C10orf71: variants seen among roughly 807,000 people sequenced by gnomAD.
C10orf71 encodes cardiac-enriched FHL2-interacting protein.
For missense variants in C10orf71, 1,869 were observed against 1,804.5 expected (o/e 1.04, Z -0.65); for synonymous variants, 758 against 726.3 (o/e 1.04, Z -0.70).
intron 1 of C10orf71, among the ~76,000 whole-genome samples, chr10:49,307,508 G>A (rs1218668316): frequency 6.6e-6 from 1 of 152,224 alleles, no homozygotes; most frequent in African/African-American, 2.4e-5. Flanking sequence ...GCAAAGAGGT[G>A]CTGCTGACAG....
chr10:49,320,390 C>T (rs1238114289), intron 2 of C10orf71, among the ~76,000 whole-genome samples: 1 of 152,162 alleles, frequency 6.6e-6, no homozygotes, highest in African/African-American at 2.4e-5. Context: ...AGGCTGGTCC[C>T]AGAGGTAAGG....
At chr10:49,310,833 G>A (rs373315958) in intron 1 of C10orf71, among the ~76,000 whole-genome samples, 1 of 151,460 alleles carries the variant, frequency 6.6e-6, no homozygotes, top group Non-Finnish European at 1.5e-5. Context: ...AAGAAGAAGA[G>A]GAGGAAGTCG....
At position 49,324,805 on chromosome 10, in the gene C10orf71, G is replaced by A; in HGVS notation, c.2260G>A (p.Glu754Lys). ...QKMWFTENQR[E>K]DRRKDVSAGD... ...GATGTGGTTTACTGAGAACCAGCGG[G>A]AAGACAGGAGGAAGGATGTGAGTGC... is the stretch of plus-strand genomic sequence containing the variant. The change falls in exon 3 of 3, where the codon GAA becomes AAA. Residue 754 changes from glutamate (E) to lysine (K), a missense_variant. Coordinates refer to ENST00000374144, the MANE Select transcript of C10orf71 (RefSeq NM_001135196.2). 6.4e-7 allele frequency: 1 copy of A among 1,552,148 alleles called. No homozygotes were observed. The highest frequency in any genetic ancestry group is 8.7e-7 in the Non-Finnish European group (1 of 1,147,122).
At chr10:49,310,931 A>G (rs1564684920) in intron 1 of C10orf71, among the ~76,000 whole-genome samples, 1 of 152,100 alleles carries the variant, frequency 6.6e-6, no homozygotes, top group Non-Finnish European at 1.5e-5. Flanking sequence ...ACTTACACTA[A>G]AAAAGTATTT....
intron 1 of C10orf71, among the ~76,000 whole-genome samples, chr10:49,314,775 A>G (rs1211783963): frequency 6.6e-6 from 1 of 152,218 alleles, no homozygotes; most frequent in East Asian, 1.9e-4. Flanking sequence ...TTGGAAGGCC[A>G]TAAGACCCAA....
At chr10:49,321,936 C>T (rs914175819) in intron 2 of C10orf71, among the ~76,000 whole-genome samples, 7 of 152,064 alleles carry the variant, frequency 4.6e-5, no homozygotes, top group Non-Finnish European at 1.0e-4. Flanking sequence ...GTTTGTTATT[C>T]GGTTGTAGGA....
In C10orf71 at chr10:49,324,380, G is replaced by A; in HGVS notation, c.1835G>A (p.Ser612Asn). 6.2e-7 allele frequency: 1 copy of A among 1,613,646 alleles called. No homozygotes were observed. ...FYVNGEAAER[S>N]SYENKEVEGE... ...GTCAATGGGGAGGCTGCTGAGAGAA[G>A]CAGTTATGAGAACAAGGAGGTGGAA... The change falls in exon 3 of 3, where the codon AGC (serine) becomes AAC (asparagine). Residue 612 changes from serine (S) to asparagine (N), a missense_variant. Coordinates refer to ENST00000374144, the MANE Select transcript of C10orf71 (RefSeq NM_001135196.2).
In C10orf71 at chr10:49,322,729, C is replaced by A. The variant is rs1849118921; in HGVS notation, c.184C>A (p.Gln62Lys). 4 of 1,613,962 alleles carry A rather than the reference C, an allele frequency of 2.5e-6. No individual in the cohort carries two copies. The highest frequency in any genetic ancestry group is 3.4e-6 in the Non-Finnish European group (4 of 1,179,846). The change falls in exon 3 of 3, where the codon CAG becomes AAG. Residue 62 changes from glutamine to lysine, a missense_variant. Transcript: ENST00000374144. ...GGCTGTGTCCCCGGATATCACCCGA[C>A]AGGTGTTTGGGACTTTTCACCAGAG... ...YLAVSPDITR[Q>K]VFGTFHQRTV... is the part of the protein sequence containing the mutation.
At chr10:49,298,352 A>C (rs570446027), upstream of C10orf71, among the ~76,000 whole-genome samples, 98 of 152,284 alleles carry the variant, frequency 6.4e-4, 1 homozygote, top group African/African-American at 2.3e-3. Context: ...GGGGAAAAAA[A>C]CCCACTCTTG....
chr10:49,310,827 A>G (rs1303602919), intron 1 of C10orf71, among the ~76,000 whole-genome samples: 1 of 152,092 alleles, frequency 6.6e-6, no homozygotes, highest in African/African-American at 2.4e-5. Flanking sequence ...ATGAAGAAGA[A>G]GAAGAGGAGG....
intron 1 of C10orf71, among the ~76,000 whole-genome samples, chr10:49,307,844 T>C (rs1176425630): frequency 6.6e-6 from 1 of 152,182 alleles, no homozygotes; most frequent in Non-Finnish European, 1.5e-5. Context: ...TCTTTTCTCC[T>C]GTGACTTCTC....
At position 49,324,051 on chromosome 10, in the gene C10orf71, C is replaced by A. The variant is rs1057168979; in HGVS notation, c.1506C>A (p.Asn502Lys). 1.9e-6 allele frequency: 3 copies of A among 1,613,776 alleles called. No individual in the cohort carries two copies. The African/African-American group carries it at 4.0e-5, about 22-fold the overall frequency. The change falls in exon 3 of 3, where the codon AAC becomes AAA. Residue 502 changes from asparagine (N) to lysine (K), a missense_variant. Coordinates refer to ENST00000374144, the MANE Select transcript of C10orf71 (RefSeq NM_001135196.2). ...CCAAAGCCCCTAGCCTGCTGTTCAA[C>A]CTCAAGGACGTGCGGAAGCGTGTTA... ...YKSKAPSLLF[N>K]LKDVRKRVKS...
At chr10:49,308,900 T>A (rs1848863294) in intron 1 of C10orf71, among the ~76,000 whole-genome samples, 1 of 152,142 alleles carries the variant, frequency 6.6e-6, no homozygotes, top group South Asian at 2.1e-4. Flanking sequence ...TGAGGAGGCA[T>A]CAACCTGGGG....
intron 1 of C10orf71, among the ~76,000 whole-genome samples, chr10:49,300,309 C>T (rs1467720064): frequency 6.6e-6 from 1 of 152,122 alleles, no homozygotes; most frequent in African/African-American, 2.4e-5. Context: ...CACCTTCATT[C>T]ATTTGCATAT....
chr10:49,325,904 A>T lies in C10orf71; in HGVS notation c.3359A>T (p.Glu1120Val). The T allele has an allele frequency of 6.5e-7, 1 of 1,549,886 alleles. No homozygotes were observed. Among genetic ancestry groups the T allele is most frequent in the Non-Finnish European group, 8.7e-7 (1 of 1,145,742 alleles). ...REDLTHALVW[E>V]GGSDPLLELS... ...GACCTGACCCACGCCCTCGTGTGGG[A>T]GGGCGGCTCTGACCCCCTACTTGAG... Residue 1120 changes from glutamate to valine, a missense_variant, in exon 3 of 3, where the codon GAG (glutamate) becomes GTG (valine). Physicochemically the swap from Glu to Val is moderately radical, Grantham distance 121. Coordinates refer to ENST00000374144, the MANE Select transcript of C10orf71 (RefSeq NM_001135196.2).
chr10:49,322,619 C>T lies in C10orf71; in HGVS notation c.74C>T (p.Ala25Val), dbSNP rs766735473. 1.2e-6 allele frequency: 2 copies of T among 1,613,108 alleles called. No homozygotes were observed. The highest frequency in any genetic ancestry group is 3.3e-5 in the Admixed American group (2 of 59,890). Residue 25 changes from alanine (A) to valine (V), a missense_variant, in exon 3 of 3, where the codon GCA (alanine) becomes GTA (valine). Ala to Val is a moderately conservative substitution (Grantham distance 64). Transcript: ENST00000374144. ...SSSIGSVLDDADREVSSLTDR... is the reference protein window; with the variant it reads ...SSSIGSVLDDVDREVSSLTDR... The stretch of plus-strand genomic sequence containing the variant: ...AGCATCGGCAGCGTGTTGGATGATG[C>T]AGACAGGGAGGTGAGCAGCCTAACA...
intron 2 of C10orf71, among the ~76,000 whole-genome samples, chr10:49,322,161 C>T (rs1849104133): frequency 6.6e-6 from 1 of 152,144 alleles, no homozygotes; most frequent in Non-Finnish European, 1.5e-5. Flanking sequence ...TAAATGAGGG[C>T]CACCTGCCTT....
At chr10:49,315,245 G>A (rs1368113477) in intron 1 of C10orf71, among the ~76,000 whole-genome samples, 4 of 152,202 alleles carry the variant, frequency 2.6e-5, no homozygotes, top group Non-Finnish European at 5.9e-5. Flanking sequence ...CCTTGAACTA[G>A]ATTAATATCC....
chr10:49,325,924 C>T lies in C10orf71; in HGVS notation c.3379C>T (p.Leu1127Phe). The change falls in exon 3 of 3, where the codon CTT becomes TTT. Residue 1127 changes from leucine to phenylalanine, a missense_variant. Transcript: ENST00000374144. ...LVWEGGSDPL[L>F]ELSAEDLRTL... ...GTGGGAGGGCGGCTCTGACCCCCTACTTGAGCTGTCGGCAGAAGACCTCCG... is the reference window on the plus strand; with the variant it reads ...GTGGGAGGGCGGCTCTGACCCCCTATTTGAGCTGTCGGCAGAAGACCTCCG... 1.3e-6 allele frequency: 2 copies of T among 1,551,206 alleles called. No homozygotes were observed. Among genetic ancestry groups the T allele is most frequent in the Non-Finnish European group, 1.7e-6 (2 of 1,146,670 alleles).
Sources: gnomAD v4.1 joint callset for allele counts (sites outside exome capture counted in the v4.1 genomes callset) on GRCh38, gnomAD v4.1.1 for gene constraint, MANE v1.5 for transcripts, NCBI Gene and HGNC (gene_info 2026-07-23, HGNC 2026-07-21) for gene names.